The following SLC4A10 variants were observed in gnomAD, a reference collection of about 807,000 sequenced individuals.
The protein encoded by SLC4A10 is solute carrier family 4 member 10, also known as sodium-driven chloride bicarbonate exchanger.
A neutral mutation model predicts 137.7 loss-of-function variants in SLC4A10; 42 were observed. The observed-to-expected ratio is 0.30, with a 90% CI of 0.24 to 0.39. SLC4A10 has a LOEUF of 0.39. Ranked by LOEUF, SLC4A10 falls within the 10% of genes least tolerant of loss-of-function variation. SLC4A10 has a pLI of 1.00. For missense variants in SLC4A10, 925 were observed against 1,355.0 expected, an observed-to-expected ratio of 0.68 and a Z score of 4.98; for synonymous variants, 474 against 464.1, an observed-to-expected ratio of 1.02 and a Z score of -0.27.
intron 3 of SLC4A10, among the ~76,000 whole-genome samples, chr2:161,827,499 T>C (rs1323090503): frequency 1.3e-5 from 2 of 152,202 alleles, no homozygotes; most frequent in Non-Finnish European, 2.9e-5. Context: ...TTCTGGTAGG[T>C]AATTCTATAT....
Position 161,872,294 on chromosome 2 carries a change from A to C in SLC4A10, c.768A>C (p.Ala256=). The C allele has an allele frequency of 6.2e-7, 1 of 1,612,198 alleles. No individual in the cohort carries two copies. The highest frequency in any genetic ancestry group is 8.5e-7 in the Non-Finnish European group (1 of 1,178,484). Residue 256 remains alanine, a splice_region_variant and synonymous_variant, in exon 7 of 27, where the codon GCA becomes GCC. Coordinates refer to ENST00000446997, the MANE Select transcript of SLC4A10 (RefSeq NM_001178015.2). ...TTCTGTCACAACAATCTCTTTTAGC[A>C]GGTCAGGTTGTTTCTCCTCAGTCTG... is the stretch of plus-strand genomic sequence containing the variant. ...QSEPNSMDKN[A]GQVVSPQSAP...
chr2:161,942,874 A>T lies in SLC4A10; in HGVS notation c.2080A>T (p.Ile694Phe). Residue 694 changes from isoleucine to phenylalanine, a missense_variant, in exon 16 of 27, where the codon ATT becomes TTT. Ile to Phe is a conservative substitution (Grantham distance 21, BLOSUM62 0). Transcript: ENST00000446997. ...ATCCAATATTTCTGCCTCTGACATAATTTGGGAGAACCTAACTGTGTCAGT... is the reference window on the plus strand; with the variant it reads ...ATCCAATATTTCTGCCTCTGACATATTTTGGGAGAACCTAACTGTGTCAGT... Reference protein sequence around the residue: ...RESNISASDIIWENLTVSECK... With the variant: ...RESNISASDIFWENLTVSECK... The T allele has an allele frequency of 6.3e-7, 1 of 1,598,084 alleles. No individual in the cohort carries two copies.
At chr2:161,940,612 T>G (rs1456674866) in intron 15 of SLC4A10, among the ~76,000 whole-genome samples, 2 of 152,184 alleles carry the variant, frequency 1.3e-5, no homozygotes, top group African/African-American at 4.8e-5. Flanking sequence ...GGAACTGACT[T>G]TATTTGAAGC....
intron 15 of SLC4A10, among the ~76,000 whole-genome samples, chr2:161,941,119 A>T: frequency 6.6e-6 from 1 of 152,220 alleles, no homozygotes; most frequent in Admixed American, 6.5e-5. Flanking sequence ...CTCGAAAAAT[A>T]CATAGTGAAG....
intron 1 of SLC4A10, among the ~76,000 whole-genome samples, chr2:161,712,568 A>C (rs964889879): frequency 6.6e-6 from 1 of 151,856 alleles, no homozygotes; most frequent in African/African-American, 2.4e-5. Flanking sequence ...TGAAACACTA[A>C]ATGAAATATA....
intron 15 of SLC4A10, among the ~76,000 whole-genome samples, chr2:161,908,757 C>T (rs970891353): frequency 2.0e-5 from 3 of 149,386 alleles, no homozygotes; most frequent in African/African-American, 5.1e-5. Context: ...TTGAGGAGGG[C>T]AATGAAATCG....
At chr2:161,660,554 A>ATCTTTCTTTCTT (rs1228171819) in intron 1 of SLC4A10, among the ~76,000 whole-genome samples, 1 of 133,334 alleles carries the variant, frequency 7.5e-6, no homozygotes, top group Non-Finnish European at 1.6e-5. Context: ...GTACTCATCT[A>ATCTTTCTTTCTT]TATTTCTTTC....
chr2:161,692,719 G>C (rs946624652), intron 1 of SLC4A10, among the ~76,000 whole-genome samples: 1 of 152,012 alleles, frequency 6.6e-6, no homozygotes, highest in Non-Finnish European at 1.5e-5. Context: ...TTGAGCACTC[G>C]ATCTAAAAAC....
intron 1 of SLC4A10, among the ~76,000 whole-genome samples, chr2:161,644,429 T>G (rs1239684650): frequency 6.6e-6 from 1 of 152,042 alleles, no homozygotes; most frequent in Non-Finnish European, 1.5e-5. Context: ...GAGGATGCAT[T>G]GAGCTGTGAT....
intron 8 of SLC4A10, among the ~76,000 whole-genome samples, chr2:161,874,417 T>G (rs1042747816): frequency 2.6e-5 from 4 of 152,226 alleles, no homozygotes; most frequent in African/African-American, 7.2e-5. Flanking sequence ...CATGTTGCTT[T>G]TGGTTGTGTG....
intron 1 of SLC4A10, among the ~76,000 whole-genome samples, chr2:161,683,295 C>T (rs2041060039): frequency 6.6e-6 from 1 of 152,092 alleles, no homozygotes; most frequent in African/African-American, 2.4e-5. Flanking sequence ...AGCACAGTAC[C>T]AGGTACCTAA....
intron 3 of SLC4A10, among the ~76,000 whole-genome samples, chr2:161,809,821 AC>A (rs1318546659): frequency 6.6e-6 from 1 of 151,722 alleles, no homozygotes; most frequent in African/African-American, 2.4e-5. Flanking sequence ...GATGCCTCTG[AC>A]TTTGTTCTTT....
At chr2:161,671,299 G>A (rs2039691805) in intron 1 of SLC4A10, among the ~76,000 whole-genome samples, 1 of 152,034 alleles carries the variant, frequency 6.6e-6, no homozygotes, top group South Asian at 2.1e-4. Context: ...AGAGAGGATG[G>A]GCTGTCAGCA....
chr2:161,707,350 G>A (rs2043784545), intron 1 of SLC4A10, among the ~76,000 whole-genome samples: 1 of 151,422 alleles, frequency 6.6e-6, no homozygotes. Context: ...GGTAAATAAA[G>A]TGTTCATAGA....
intron 1 of SLC4A10, among the ~76,000 whole-genome samples, chr2:161,631,581 G>A (rs62187657): frequency 0.073 from 11,118 of 151,632 alleles, 510 homozygotes; most frequent in East Asian, 0.14. Flanking sequence ...GCTGAGTTAA[G>A]AGAATATATG....
intron 6 of SLC4A10, among the ~76,000 whole-genome samples, chr2:161,864,981 A>C (rs563879171): frequency 1.2e-4 from 19 of 152,240 alleles, no homozygotes; most frequent in Non-Finnish European, 2.4e-4. Context: ...CTAAGAATGC[A>C]TGCAGATTTT....
chr2:161,906,455 G>A (rs6725411), intron 15 of SLC4A10, among the ~76,000 whole-genome samples: 151,751 of 152,328 alleles, frequency 1, 75,589 homozygotes, highest in East Asian at 1. Context: ...GTCCGGGATT[G>A]AAGATGTGAT....
At chr2:161,974,688 C>T (rs1699101414) in intron 24 of SLC4A10, among the ~76,000 whole-genome samples, 2 of 152,116 alleles carry the variant, frequency 1.3e-5, no homozygotes, top group African/African-American at 4.8e-5. Context: ...AATGTTTTAA[C>T]TCTGGGAATT....
intron 15 of SLC4A10, among the ~76,000 whole-genome samples, chr2:161,914,823 T>G (rs2105442804): frequency 6.6e-6 from 1 of 152,170 alleles, no homozygotes; most frequent in Non-Finnish European, 1.5e-5. Context: ...GAGACAGGAC[T>G]TTTTAAAAAA....
Sources: allele counts gnomAD v4.1 joint callset (sites outside exome capture counted in the v4.1 genomes callset), GRCh38; gene constraint gnomAD v4.1.1; transcripts MANE v1.5; gene names NCBI Gene and HGNC (gene_info 2026-07-23, HGNC 2026-07-21).